Variants in CPT2 observed in about 807,000 individuals in gnomAD.
CPT2 encodes the protein carnitine O-palmitoyltransferase 2, mitochondrial.
CPT2 carries 37 observed loss-of-function variants against 48.6 expected under a neutral mutation model. The ratio of observed to expected loss-of-function variants is 0.76; its 90% CI spans 0.59 to 1.00. CPT2 has a LOEUF of 1.00. Among genes scored for constraint, CPT2 ranks in the 50% least tolerant of loss-of-function variants. The probability of loss-of-function intolerance (pLI) is 0.00; values close to 1 mark genes in which losing one functional copy is unlikely to be tolerated. For missense variants in CPT2, 772 were observed against 825.6 expected (o/e 0.94, Z 0.80); for synonymous variants, 319 against 326.9 (o/e 0.98, Z 0.26).
At position 53,213,823 on chromosome 1, in the gene CPT2, G is replaced by T. The variant is rs1389623041; in HGVS notation, c.*228G>T. The stretch of plus-strand genomic sequence containing the variant: ...ATGTGCCTATAATCCCAGCTACTTG[G>T]GAGGTTGAAGCAGAATTGCTTGAAC... On this transcript the variant is annotated 3_prime_UTR_variant, in exon 5 of 5. Transcript: ENST00000371486. The T allele has an allele frequency of 4.1e-6, 2 of 492,558 alleles. No homozygotes were observed. Among genetic ancestry groups the T allele is most frequent in the African/African-American group, 3.9e-5 (2 of 51,280 alleles). The allele number at this position is 492,558 out of a possible 1,614,324, so 30.5% of individuals were successfully genotyped here.
intron 1 of CPT2, chr1:53,197,432 C>T (rs981027135): frequency 2.4e-6 from 1 of 408,282 alleles, no homozygotes; most frequent in Non-Finnish European, 4.6e-6. Context: ...ATATTTCCAG[C>T]GCCGCTGTAA....
At position 53,202,310 on chromosome 1, in the gene CPT2, T is replaced by A; in HGVS notation, c.234-13T>A. Reference sequence around the variant, plus strand: ...TACCATGGTTTGATTTTGTCTTTTCTTGAATGTTTTAGGAAAACAGAACAA... The same window carrying A: ...TACCATGGTTTGATTTTGTCTTTTCATGAATGTTTTAGGAAAACAGAACAA... On this transcript the variant is annotated splice_polypyrimidine_tract_variant and intron_variant, in intron 2 of 4. Transcript: ENST00000371486. The A allele has an allele frequency of 4.4e-6, 7 of 1,602,476 alleles. No homozygotes were observed. The highest frequency in any genetic ancestry group is 4.3e-6 in the Non-Finnish European group (5 of 1,169,380).
chr1:53,200,800 G>A lies in CPT2; in HGVS notation c.233+1G>A. The A allele has an allele frequency of 6.2e-7, 1 of 1,611,242 alleles. No homozygotes were observed. The highest frequency in any genetic ancestry group is 8.5e-7 in the Non-Finnish European group (1 of 1,177,384). ...CTCTCTTGAATGATGGCCAGTTCAG[G>A]TAAACACTGAGAACCTTGGGTGAGC... is the stretch of plus-strand genomic sequence containing the variant. On this transcript the variant is annotated splice_donor_variant, in intron 2 of 4. Coordinates refer to ENST00000371486, the MANE Select transcript of CPT2 (RefSeq NM_000098.3). LOFTEE classifies it high-confidence loss of function.
chr1:53,206,451 G>A (rs539205813), intron 3 of CPT2, among the ~76,000 whole-genome samples: 1 of 152,344 alleles, frequency 6.6e-6, no homozygotes, highest in African/African-American at 2.4e-5. Context: ...GCCTGGAAAA[G>A]CCACAGGCAT....
intron 3 of CPT2, chr1:53,202,666 G>A: frequency 3.6e-6 from 2 of 550,600 alleles, no homozygotes; most frequent in Non-Finnish European, 3.3e-6. Flanking sequence ...ATGGGATTGA[G>A]GCAGAACCTA....
chr1:53,203,132 G>A (rs368444257), intron 3 of CPT2: 4 of 152,320 alleles, frequency 2.6e-5, no homozygotes, highest in African/African-American at 9.7e-5. Flanking sequence ...CTCACTTTCA[G>A]CTCCTAAATC....
At position 53,211,202 on chromosome 1, in the gene CPT2, A is replaced by G. The variant is rs1645425523; in HGVS notation, c.1528A>G (p.Lys510Glu). ...ETIRPASVYT[K>E]RCSEAFVREP... ...CATCCGCCCGGCCTCCGTCTATACAAAGAGGTGCTCTGAGGCCTTTGTCAG... is the reference window on the plus strand; with the variant it reads ...CATCCGCCCGGCCTCCGTCTATACAGAGAGGTGCTCTGAGGCCTTTGTCAG... The change falls in exon 4 of 5, where the codon AAG becomes GAG. Residue 510 changes from lysine (K) to glutamate (E), a missense_variant. Transcript: ENST00000371486. 2.5e-6 allele frequency: 4 copies of G among 1,609,890 alleles called. No individual in the cohort carries two copies. Among genetic ancestry groups the G allele is most frequent in the Non-Finnish European group, 3.4e-6 (4 of 1,177,194 alleles).
intron 4 of CPT2, chr1:53,211,578 A>C: frequency 2.0e-6 from 1 of 498,196 alleles, no homozygotes; most frequent in Non-Finnish European, 3.5e-6. Flanking sequence ...TTCAGCTGTG[A>C]CGCATTAATT....
intron 3 of CPT2, chr1:53,209,751 G>A (rs981645796): frequency 6.7e-6 from 3 of 446,582 alleles, no homozygotes; most frequent in South Asian, 4.3e-5. Flanking sequence ...TCTCCAGCCT[G>A]GGCGACAGGA....
Position 53,211,545 on chromosome 1 carries a change from C to T in CPT2, c.1645+226C>T, listed in dbSNP as rs904248461. On this transcript the variant is annotated intron_variant, in intron 4 of 4. Transcript: ENST00000371486. ...AGCAGGGGTGGGGAAATGCATGTGT[C>T]TTTGTCCTCATTTAAGGTCACTTTC... 1.1e-5 allele frequency: 6 copies of T among 564,596 alleles called. No homozygotes were observed. The African/African-American group carries it at 1.1e-4, about 11-fold the overall frequency. 35.0% of individuals were successfully genotyped at this position (564,596 alleles called of 1,614,324 possible). A position where few individuals can be genotyped will look rare whatever the true frequency, so the allele number is the denominator to read the frequency against.
rs774168365 is a variant in CPT2 at position 53,210,784 on chromosome 1, T to C, written c.1110T>C (p.Phe370=). The C allele has an allele frequency of 2.5e-6, 4 of 1,614,196 alleles. No individual in the cohort carries two copies. Among genetic ancestry groups the C allele is most frequent in the Non-Finnish European group, 3.4e-6 (4 of 1,180,012 alleles). Residue 370 remains phenylalanine, a synonymous_variant, in exon 4 of 5, where the codon TTT becomes TTC. Transcript: ENST00000371486. The stretch of plus-strand genomic sequence containing the variant: ...AGGATGGCTCTACTGCCGTCCACTT[T>C]GAGCACTCTTGGGGTGATGGTGTGG... The part of the protein sequence containing the change: ...IAKDGSTAVH[F]EHSWGDGVAV...
At position 53,210,021 on chromosome 1, in the gene CPT2, G is replaced by A. The variant is rs1645411052; in HGVS notation, c.347G>A (p.Trp116Ter). The change falls in exon 4 of 5, where the codon TGG (tryptophan) becomes TAG (stop). Residue 116 changes from tryptophan (W) to a stop codon, truncating the protein, a stop_gained. Transcript: ENST00000371486. LOFTEE classifies it high-confidence loss of function. ...NKHTSYISGPWFDMYLSARDS... is the reference protein window; with the variant it reads ...NKHTSYISGP ...TTTTCTTTTTATTTTTTAGGACCCT[G>A]GTTTGATATGTACCTATCTGCTCGA... 2.5e-6 allele frequency: 4 copies of A among 1,613,286 alleles called. No individual in the cohort carries two copies. Among genetic ancestry groups the A allele is most frequent in the Non-Finnish European group, 2.5e-6 (3 of 1,179,454 alleles).
intron 4 of CPT2, among the ~76,000 whole-genome samples, chr1:53,211,713 C>G (rs949281808): frequency 1.2e-4 from 18 of 150,956 alleles, no homozygotes; most frequent in African/African-American, 4.4e-4. Flanking sequence ...ATTCTCCTGC[C>G]TCTGCCTCCC....
intron 2 of CPT2, chr1:53,201,205 C>T (rs1032156204): frequency 1.6e-5 from 4 of 257,818 alleles, no homozygotes; most frequent in Admixed American, 4.7e-5. Flanking sequence ...AAAATTTATG[C>T]CCTTTTTCAT....
chr1:53,205,285 C>T (rs879621241), intron 3 of CPT2, among the ~76,000 whole-genome samples: 4 of 152,190 alleles, frequency 2.6e-5, no homozygotes, highest in Admixed American at 2.6e-4. Context: ...AGCAGAGAGA[C>T]TGGTGGCATT....
Position 53,202,359 on chromosome 1 carries a change from G to A in CPT2, c.270G>A (p.Gly90=), listed in dbSNP as rs1436061126. 1.2e-6 allele frequency: 2 copies of A among 1,613,952 alleles called. No homozygotes were observed. Among genetic ancestry groups the A allele is most frequent in the African/African-American group, 1.3e-5 (1 of 74,890 alleles). ...TEQFCKSFEN[G]IGKELHEQLV... ...AATTTTGCAAGAGTTTTGAAAATGG[G>A]ATTGGAAAAGAACTGCATGAGCAGC... The change falls in exon 3 of 5, where the codon GGG becomes GGA. Residue 90 remains glycine, a synonymous_variant. Transcript: ENST00000371486.
At chr1:53,199,480 G>T (rs141889134) in intron 1 of CPT2, among the ~76,000 whole-genome samples, 208 of 152,306 alleles carry the variant, frequency 1.4e-3, no homozygotes, top group African/African-American at 5.0e-3. Flanking sequence ...GTGAACCACC[G>T]TGCCCAGCTT....
At chr1:53,197,172 C>A in intron 1 of CPT2, 77 bp downstream of exon 1, 1 of 1,507,014 alleles carries the variant, frequency 6.6e-7, no homozygotes, top group Non-Finnish European at 8.9e-7. Context: ...TCACTCATGA[C>A]TCCTCTAGTG....
Position 53,213,678 on chromosome 1 carries a change from C to G in CPT2, c.*83C>G. ...GCATGGTGGCTCATGCCTGTAATCC[C>G]AGCATTTTGAGAGGCTGAGGCGGGT... is the stretch of plus-strand genomic sequence containing the variant. On this transcript the variant is annotated 3_prime_UTR_variant, in exon 5 of 5. Transcript: ENST00000371486. 7.7e-7 allele frequency: 1 copy of G among 1,302,530 alleles called. No homozygotes were observed. Among genetic ancestry groups the G allele is most frequent in the African/African-American group, 1.4e-5 (1 of 69,074 alleles). 80.7% of individuals were successfully genotyped at this position (1,302,530 alleles called of 1,614,324 possible). A position where few individuals can be genotyped will look rare whatever the true frequency, so the allele number is the denominator to read the frequency against.
Sources: allele counts gnomAD v4.1 joint callset (sites outside exome capture counted in the v4.1 genomes callset), GRCh38; gene constraint gnomAD v4.1.1; transcripts MANE v1.5; gene names NCBI Gene and HGNC (gene_info 2026-07-23, HGNC 2026-07-21).